Variants in KCNH2 observed in about 807,000 individuals in gnomAD.
KCNH2 encodes the protein potassium voltage-gated channel subfamily H member 2.
A neutral mutation model predicts 95.9 loss-of-function variants in KCNH2; 35 were observed. That is an observed-to-expected ratio of 0.37 (90% CI 0.28 to 0.48). The LOEUF is 0.48. KCNH2 is among the 20% of genes least tolerant of loss of function. The pLI, the probability that KCNH2 is intolerant of heterozygous loss-of-function variation, is 0.99. For missense variants in KCNH2, 1,274 were observed against 1,702.9 expected (o/e 0.75, Z 4.43); for synonymous variants, 786 against 754.7 (o/e 1.04, Z -0.68).
At chr7:150,965,436 C>G (rs776721533) in intron 2 of KCNH2, among the ~76,000 whole-genome samples, 2 of 152,166 alleles carry the variant, frequency 1.3e-5, no homozygotes, top group African/African-American at 2.4e-5. Context: ...AAGTCCCACC[C>G]GCTGCCCTCC....
chr7:150,964,941 G>C (rs41307334), intron 2 of KCNH2, among the ~76,000 whole-genome samples: 1 of 152,204 alleles, frequency 6.6e-6, no homozygotes, highest in East Asian at 1.9e-4. Context: ...TGGGCAGCCA[G>C]GGGCCTAGGA....
rs1584839287 is a variant in KCNH2 at position 150,945,487 on chromosome 7, G to C, written c.3358C>G (p.Leu1120Val). 1 of 1,559,798 alleles carries C rather than the reference G, an allele frequency of 6.4e-7. No individual in the cohort carries two copies. Among genetic ancestry groups the C allele is most frequent in the Non-Finnish European group, 8.7e-7 (1 of 1,152,078 alleles). Reference sequence around the variant, plus strand: ...GGAAGCTCTGGGGCCCCCGGGGGCAGCTCCTCACACGCCATGAACTGGGAA... The same window carrying C: ...GGAAGCTCTGGGGCCCCCGGGGGCACCTCCTCACACGCCATGAACTGGGAA... ...QVSQFMACEE[L>V]PPGAPELPQE... Residue 1120 changes from leucine (L) to valine (V), a missense_variant, in exon 15 of 15, where the codon CTG (leucine) becomes GTG (valine). Transcript: ENST00000262186. This position sits in a 1 kb window ranked among gnomAD's most constrained non-coding sequence, Gnocchi z 5.6.
rs199472883 is a variant in KCNH2, at chr7:150,958,073, C to A, written c.902G>T (p.Arg301Leu). 2.4e-6 allele frequency: 3 copies of A among 1,272,938 alleles called. No homozygotes were observed. Among genetic ancestry groups the A allele is most frequent in the South Asian group, 2.9e-5 (1 of 34,070 alleles). The allele number at this position is 1,272,938 out of a possible 1,614,324, so 78.9% of individuals were successfully genotyped here. A position where few individuals can be genotyped will look rare whatever the true frequency, so the allele number is the denominator to read the frequency against. The change falls in exon 4 of 15, where the codon CGC becomes CTC. Residue 301 changes from arginine to leucine, a missense_variant. Physicochemically the swap from Arg to Leu is moderately radical, Grantham distance 102. Transcript: ENST00000262186. ...GGCGCCCTCACCGGTGCTGGCGTGG[C>A]GCGGTGGCGGGGGCAGCACCCCGGC... The part of the protein sequence containing the change: ...MRAGVLPPPP[R>L]HASTGAMHPL...
chr7:150,947,124 AG>A (rs376889824), intron 13 of KCNH2, 70 bp from the exon 14 acceptor site: 6 of 347,914 alleles, frequency 1.7e-5, no homozygotes. Flanking sequence ...GGAGTGGGGA[AG>A]GGGAAGGGGA....
At chr7:150,949,998 C>T (rs750998023) in intron 9 of KCNH2, 170 bp downstream of exon 9, 14 of 1,559,102 alleles carry the variant, frequency 9.0e-6, no homozygotes, top group Non-Finnish European at 1.1e-5. Flanking sequence ...ACGTGGGGCT[C>T]CTCTCCATGG....
chr7:150,958,546 C>A (rs1182622415), intron 3 of KCNH2, 44 bp from the exon 4 acceptor site: 4 of 1,452,578 alleles, frequency 2.8e-6, no homozygotes, highest in Non-Finnish European at 3.6e-6. Context: ...TCGCGAGCAG[C>A]CCCGGAGCGG....
intron 2 of KCNH2, among the ~76,000 whole-genome samples, chr7:150,960,175 T>C (rs891968629): frequency 5.3e-5 from 8 of 152,218 alleles, no homozygotes; most frequent in African/African-American, 1.9e-4. Flanking sequence ...TCTGGGTTCA[T>C]AGCCCGGATC....
At chr7:150,965,349 C>T (rs1801675167) in intron 2 of KCNH2, among the ~76,000 whole-genome samples, 1 of 152,168 alleles carries the variant, frequency 6.6e-6, no homozygotes, top group South Asian at 2.1e-4. Context: ...CACAGCAATG[C>T]CTCAGAAGAT....
At chr7:150,977,049 C>G (rs1381548084) in intron 1 of KCNH2, among the ~76,000 whole-genome samples, 1 of 152,142 alleles carries the variant, frequency 6.6e-6, no homozygotes, top group Non-Finnish European at 1.5e-5. Context: ...TGCTGCCCAC[C>G]CCCAGGACAT....
chr7:150,953,575 GC>G (rs1250928433), intron 5 of KCNH2, among the ~76,000 whole-genome samples: 1 of 152,066 alleles, frequency 6.6e-6, no homozygotes, highest in Non-Finnish European at 1.5e-5. Flanking sequence ...GACACACACA[GC>G]CCCTGTACCA....
In KCNH2 at chr7:150,965,047, GGA is replaced by G. The variant is rs373470793; in HGVS notation, c.308-5313_308-5312del. On this transcript the variant is annotated intron_variant, in intron 2 of 14. Coordinates refer to ENST00000262186, the MANE Select transcript of KCNH2 (RefSeq NM_000238.4). The stretch of plus-strand genomic sequence containing the variant: ...GAAGGAGGGAGAGAGACAGAGACAG[GGA>G]GAGAGTGTGTGTGTGCGCGCGTGTG... 6.5e-4 allele frequency among the ~76,000 whole-genome samples: 99 copies of G among 152,008 alleles called. 6 individuals carry two copies. In the East Asian group the frequency reaches 9.1e-3, roughly 14 times the overall value.
At chr7:150,954,470 C>A (rs41314381) in intron 5 of KCNH2, among the ~76,000 whole-genome samples, 1 of 152,164 alleles carries the variant, frequency 6.6e-6, no homozygotes, top group Non-Finnish European at 1.5e-5. Flanking sequence ...CAAACTCACA[C>A]GTGCATGGGG....
chr7:150,962,623 G>C lies in KCNH2; in HGVS notation c.308-2887C>G, dbSNP rs560961595. ...AACTCACACTTACACACACACACGA[G>C]AGACAGAGAGAGAGAGAGAGAGAGA... On this transcript the variant is annotated intron_variant, in intron 2 of 14. Transcript: ENST00000262186. This position sits in a 1 kb window ranked among gnomAD's most constrained non-coding sequence, Gnocchi z 5.7. Among the ~76,000 whole-genome samples the C allele has an allele frequency of 2.7e-3, 327 of 121,844 alleles. 2 individuals are homozygous for C. Among genetic ancestry groups the C allele is most frequent in the African/African-American group, 0.012 (317 of 25,958 alleles). 79.9% of individuals were successfully genotyped at this position (121,844 alleles called of 152,430 possible).
rs949179090 is a variant in KCNH2, at chr7:150,977,995, C to A, written c.-82G>T. The A allele has an allele frequency of 3.1e-5, 21 of 681,820 alleles. No homozygotes were observed. The highest frequency in any genetic ancestry group is 4.1e-5 in the Non-Finnish European group (20 of 488,394). 42.2% of individuals were successfully genotyped at this position (681,820 alleles called of 1,614,324 possible). On this transcript the variant is annotated 5_prime_UTR_variant, in exon 1 of 15. Coordinates refer to ENST00000262186, the MANE Select transcript of KCNH2 (RefSeq NM_000238.4). ...AGCACTAGGCTTCGGGTGGCCCGGC[C>A]GGGCCGTGGTCCCCGCACCCCGCGG...
chr7:150,955,773 GC>G, intron 5 of KCNH2: 4 of 1,212,460 alleles, frequency 3.3e-6, no homozygotes, highest in Non-Finnish European at 4.1e-6. Context: ...GCCGTGCTCT[GC>G]CCGCCCGCCA....
In KCNH2 at chr7:150,947,337, T is replaced by G; in HGVS notation, c.3143A>C (p.Gln1048Pro). 6.5e-7 allele frequency: 1 copy of G among 1,541,848 alleles called. No homozygotes were observed. Among genetic ancestry groups the G allele is most frequent in the Non-Finnish European group, 8.7e-7 (1 of 1,146,462 alleles). Residue 1048 changes from glutamine (Q) to proline (P), a missense_variant, in exon 13 of 15, where the codon CAG becomes CCG. Gln to Pro is a moderately conservative substitution (Grantham distance 76). Around this residue, in one of 7 missense-constraint regions of KCNH2, gnomAD observed 457 missense variants for 416.1 expected, o/e 1.10. Coordinates refer to ENST00000262186, the MANE Select transcript of KCNH2 (RefSeq NM_000238.4). ...VESRLDALQRQLNRLETRLSA... is the reference protein window; with the variant it reads ...VESRLDALQRPLNRLETRLSA... ...ACCTGCACTCCCTCACCTGTTGAGCTGGCGCTGGAGGGCATCCAGCCTGCT... is the reference window on the plus strand; with the variant it reads ...ACCTGCACTCCCTCACCTGTTGAGCGGGCGCTGGAGGGCATCCAGCCTGCT...
At chr7:150,949,675 G>T (rs756247931) in intron 9 of KCNH2, 1 of 1,145,106 alleles carries the variant, frequency 8.7e-7, no homozygotes, top group South Asian at 2.0e-5. Flanking sequence ...ACAGGCAAAG[G>T]GGGAGGAAGT....
intron 2 of KCNH2, among the ~76,000 whole-genome samples, chr7:150,970,665 G>A (rs1453821535): frequency 6.6e-6 from 1 of 152,194 alleles, no homozygotes; most frequent in African/African-American, 2.4e-5. Context: ...TGGCTCGGAA[G>A]CAGGGCCCCC....
rs905705027 is a variant in KCNH2, at chr7:150,949,796, T to A, written c.2398+372A>T. 1.1e-4 allele frequency: 129 copies of A among 1,217,828 alleles called. 2 individuals carry two copies. Among genetic ancestry groups the A allele is most frequent in the African/African-American group, 1.6e-5 (1 of 63,210 alleles). The allele number at this position is 1,217,828 out of a possible 1,614,324, so 75.4% of individuals were successfully genotyped here. A position where few individuals can be genotyped will look rare whatever the true frequency, so the allele number is the denominator to read the frequency against. On this transcript the variant is annotated intron_variant, in intron 9 of 14. Transcript: ENST00000262186. The stretch of plus-strand genomic sequence containing the variant: ...TTTGGATGTGTCAAGGGGCCAGGCA[T>A]GAGGCTGCAGGGAACCACATGGCCC...
Sources: gnomAD v4.1 joint callset for allele counts (sites outside exome capture counted in the v4.1 genomes callset) on GRCh38, gnomAD v4.1.1 for gene constraint, gnomAD v4.1.1 regional missense constraint, Gnocchi (gnomAD v3.1) non-coding constraint, MANE v1.5 for transcripts, NCBI Gene and HGNC (gene_info 2026-07-23, HGNC 2026-07-21) for gene names.